Variants in CTDSPL observed in about 807,000 individuals in gnomAD.
CTDSPL encodes the protein CTD small phosphatase-like protein.
A neutral mutation model predicts 30.5 loss-of-function variants in CTDSPL; 8 were observed. The observed-to-expected ratio is 0.26, with a 90% CI of 0.15 to 0.47. The LOEUF (loss-of-function observed/expected upper bound fraction) is 0.47. Ranked by LOEUF, CTDSPL falls within the 20% of genes least tolerant of loss-of-function variation. CTDSPL has a pLI of 0.99. For missense variants in CTDSPL, 248 were observed against 366.1 expected (o/e 0.68, Z 2.63); for synonymous variants, 110 against 137.9 (o/e 0.80, Z 1.42).
chr3:37,980,915 C>T lies in CTDSPL; in HGVS notation c.*48C>T. 1.9e-6 allele frequency: 3 copies of T among 1,582,818 alleles called. No homozygotes were observed. The highest frequency in any genetic ancestry group is 2.6e-6 in the Non-Finnish European group (3 of 1,159,484). On this transcript the variant is annotated 3_prime_UTR_variant, in exon 8 of 8. Transcript: ENST00000273179. ...GCCTGTGCACTCTGGAACCTCTGGC[C>T]TCAGGGGACCTGCCTGTCCTCAGCT...
At chr3:37,970,897 G>A (rs1406960627) in intron 5 of CTDSPL, among the ~76,000 whole-genome samples, 1 of 152,210 alleles carries the variant, frequency 6.6e-6, no homozygotes, top group East Asian at 1.9e-4. Flanking sequence ...TGCTGGGCCT[G>A]TGCTTCAACC....
chr3:37,897,317 G>A (rs764459792), intron 1 of CTDSPL, among the ~76,000 whole-genome samples: 2 of 152,134 alleles, frequency 1.3e-5, no homozygotes, highest in Non-Finnish European at 2.9e-5. Context: ...AGCTTACCAA[G>A]TTTCTCATGA....
At chr3:37,921,816 G>C (rs543510315) in intron 1 of CTDSPL, among the ~76,000 whole-genome samples, 1 of 152,290 alleles carries the variant, frequency 6.6e-6, no homozygotes, top group South Asian at 2.1e-4. Flanking sequence ...TTCTTCTCTT[G>C]GTTCCTGTTG....
chr3:37,920,162 G>A (rs1414037356), intron 1 of CTDSPL, among the ~76,000 whole-genome samples: 2 of 152,212 alleles, frequency 1.3e-5, no homozygotes, highest in Non-Finnish European at 2.9e-5. Context: ...ATTGTTCAGA[G>A]GAACAATTGC....
chr3:37,966,446 A>G (rs1250557486), intron 4 of CTDSPL, among the ~76,000 whole-genome samples: 1 of 152,144 alleles, frequency 6.6e-6, no homozygotes, highest in African/African-American at 2.4e-5. Flanking sequence ...GAGAGAGGAG[A>G]GTAAGGGTGG....
At position 37,984,061 on chromosome 3, in the gene CTDSPL, A is replaced by G. The variant is rs1699525377; in HGVS notation, c.*3194A>G. The stretch of plus-strand genomic sequence containing the variant: ...AAAAAATCCAGAACCACACAGCCCT[A>G]TGGTCAAACAATCCTACGTTTGTGC... On this transcript the variant is annotated 3_prime_UTR_variant, in exon 8 of 8. Coordinates refer to ENST00000273179, the MANE Select transcript of CTDSPL (RefSeq NM_001008392.2). 2 of 362,900 alleles carry G rather than the reference A, an allele frequency of 5.5e-6. No homozygotes were observed. Among genetic ancestry groups the G allele is most frequent in the Admixed American group, 2.8e-5 (1 of 35,964 alleles). The allele number at this position is 362,900 out of a possible 1,614,324, so 22.5% of individuals were successfully genotyped here.
chr3:37,971,346 G>A, intron 5 of CTDSPL, 61 bp from the exon 6 acceptor site: 5 of 1,487,428 alleles, frequency 3.4e-6, no homozygotes, highest in Non-Finnish European at 2.8e-6. Flanking sequence ...GGGCATTTGG[G>A]CCCCAGGCCA....
At chr3:37,929,131 G>A (rs111530558) in intron 1 of CTDSPL, among the ~76,000 whole-genome samples, 2 of 152,054 alleles carry the variant, frequency 1.3e-5, no homozygotes, top group Non-Finnish European at 2.9e-5. Context: ...TGTTCCATTG[G>A]TCTATGTGTC....
intron 1 of CTDSPL, among the ~76,000 whole-genome samples, chr3:37,931,620 A>AT (rs1273139656): frequency 6.6e-6 from 1 of 151,560 alleles, no homozygotes; most frequent in Non-Finnish European, 1.5e-5. Flanking sequence ...TGGTTCATTA[A>AT]TTTTTTGTAG....
chr3:37,894,386 C>T (rs1435011864), intron 1 of CTDSPL, among the ~76,000 whole-genome samples: 3 of 152,204 alleles, frequency 2.0e-5, no homozygotes, highest in Non-Finnish European at 4.4e-5. Context: ...GGATTACAGG[C>T]GTGAACCACC....
At chr3:37,921,705 T>C (rs1488487941) in intron 1 of CTDSPL, among the ~76,000 whole-genome samples, 3 of 152,118 alleles carry the variant, frequency 2.0e-5, no homozygotes, top group Non-Finnish European at 2.9e-5. Context: ...TATGACTCTT[T>C]GAGGTCTATG....
intron 1 of CTDSPL, among the ~76,000 whole-genome samples, chr3:37,892,575 T>G (rs1221433347): frequency 6.6e-6 from 1 of 152,176 alleles, no homozygotes; most frequent in African/African-American, 2.4e-5. Flanking sequence ...GTTTTTTTTT[T>G]TAATCCAGTT....
chr3:37,928,624 T>G (rs1698813774), intron 1 of CTDSPL, among the ~76,000 whole-genome samples: 1 of 152,200 alleles, frequency 6.6e-6, no homozygotes, highest in Non-Finnish European at 1.5e-5. Context: ...TTATTTGGGT[T>G]GTGGTTTGGT....
chr3:37,868,078 G>A (rs1473803649), intron 1 of CTDSPL, among the ~76,000 whole-genome samples: 1 of 152,044 alleles, frequency 6.6e-6, no homozygotes, highest in Non-Finnish European at 1.5e-5. Context: ...CCATCACCTT[G>A]AGTAATTATC....
intron 1 of CTDSPL, among the ~76,000 whole-genome samples, chr3:37,884,021 A>T (rs1278706393): frequency 6.6e-6 from 1 of 152,228 alleles, no homozygotes; most frequent in Non-Finnish European, 1.5e-5. Context: ...CACTATTGAT[A>T]GGAGTCCAAG....
chr3:37,934,605 G>A (rs890402853), intron 1 of CTDSPL, among the ~76,000 whole-genome samples: 1 of 152,226 alleles, frequency 6.6e-6, no homozygotes, highest in African/African-American at 2.4e-5. Flanking sequence ...GGAAGCAAGA[G>A]TTACCATCTT....
intron 1 of CTDSPL, among the ~76,000 whole-genome samples, chr3:37,937,580 A>G (rs1698930916): frequency 6.6e-6 from 1 of 150,462 alleles, no homozygotes; most frequent in African/African-American, 2.4e-5. Flanking sequence ...TGAGCCAAAT[A>G]AACTTCTTTT....
In CTDSPL at chr3:37,880,518, C is replaced by T. The variant is rs138472393; in HGVS notation, c.79+18240C>T. 1.3e-3 allele frequency among the ~76,000 whole-genome samples: 193 copies of T among 152,230 alleles called. 1 individual carries two copies. The highest frequency in any genetic ancestry group is 4.5e-3 in the African/African-American group (188 of 41,544). On this transcript the variant is annotated intron_variant, in intron 1 of 7. Coordinates refer to ENST00000273179, the MANE Select transcript of CTDSPL (RefSeq NM_001008392.2). ...ACAGTCCACATTTCCTTATAATGCA[C>T]GTTATTTTGTTGTTTATAGAACAAA...
chr3:37,966,796 C>A (rs988407947), intron 4 of CTDSPL, among the ~76,000 whole-genome samples: 2 of 152,130 alleles, frequency 1.3e-5, no homozygotes, highest in Non-Finnish European at 2.9e-5. Context: ...AAGCAGACTT[C>A]GGTTCAGAGT....
Sources: gnomAD v4.1 joint callset for allele counts (sites outside exome capture counted in the v4.1 genomes callset) on GRCh38, gnomAD v4.1.1 for gene constraint, MANE v1.5 for transcripts, NCBI Gene and HGNC (gene_info 2026-07-23, HGNC 2026-07-21) for gene names.